Variants in ITSN1 observed in about 807,000 individuals in gnomAD.
ITSN1 encodes intersectin 1.
ITSN1 carries 58 observed loss-of-function variants against 239.8 expected under a neutral mutation model. The observed-to-expected ratio is 0.24, with a 90% CI of 0.20 to 0.30. ITSN1 has a LOEUF of 0.30. Ranked by LOEUF, ITSN1 falls within the 10% of genes least tolerant of loss-of-function variation. The pLI, the probability that ITSN1 is intolerant of heterozygous loss-of-function variation, is 1.00. For missense variants in ITSN1, 1,558 were observed against 2,103.3 expected (o/e 0.74, Z 5.07); for synonymous variants, 780 against 770.8 (o/e 1.01, Z -0.20).
At chr21:33,680,405 C>G (rs1298754281) in intron 1 of ITSN1, among the ~76,000 whole-genome samples, 4 of 151,024 alleles carry the variant, frequency 2.6e-5, no homozygotes, top group African/African-American at 9.8e-5. Flanking sequence ...AATCTCGGCT[C>G]ACTGCAACTT....
intron 4 of ITSN1, among the ~76,000 whole-genome samples, chr21:33,726,016 C>T (rs536290801): frequency 1.1e-4 from 16 of 152,240 alleles, no homozygotes; most frequent in African/African-American, 2.4e-4. Context: ...TGTTTTGAGA[C>T]GGAGTCTTGC....
intron 1 of ITSN1, among the ~76,000 whole-genome samples, chr21:33,646,133 A>G (rs2087921682): frequency 6.6e-6 from 1 of 152,196 alleles, no homozygotes; most frequent in Non-Finnish European, 1.5e-5. Flanking sequence ...TATTACAAAA[A>G]AATTTTTTTT....
At chr21:33,849,564 T>TAAA (rs2075093190) in intron 29 of ITSN1, among the ~76,000 whole-genome samples, 1 of 85,588 alleles carries the variant, frequency 1.2e-5, no homozygotes. Context: ...AGACTCTGTC[T>TAAA]CAAAAAAAAA....
At chr21:33,731,173 A>G (rs1285626189) in intron 4 of ITSN1, among the ~76,000 whole-genome samples, 1 of 152,116 alleles carries the variant, frequency 6.6e-6, no homozygotes, top group African/African-American at 2.4e-5. Flanking sequence ...TCTTCTCCTC[A>G]CCCATGAAAA....
At chr21:33,850,593 A>C (rs1395094007) in intron 29 of ITSN1, among the ~76,000 whole-genome samples, 1 of 152,186 alleles carries the variant, frequency 6.6e-6, no homozygotes, top group Non-Finnish European at 1.5e-5. Flanking sequence ...AAGGACCCGG[A>C]CTGCCTCCTT....
chr21:33,831,299 G>A (rs1425999535), intron 27 of ITSN1, among the ~76,000 whole-genome samples: 5 of 152,232 alleles, frequency 3.3e-5, no homozygotes, highest in African/African-American at 4.8e-5. Flanking sequence ...TCTCTCTGGC[G>A]TTTGTTGAAC....
chr21:33,646,585 A>G (rs1187447211), intron 1 of ITSN1, among the ~76,000 whole-genome samples: 1 of 152,184 alleles, frequency 6.6e-6, no homozygotes, highest in African/African-American at 2.4e-5. Context: ...GTTTGACCAC[A>G]CATAGTCAGG....
intron 29 of ITSN1, among the ~76,000 whole-genome samples, chr21:33,850,597 C>T (rs939274913): frequency 1.3e-5 from 2 of 152,208 alleles, no homozygotes; most frequent in Non-Finnish European, 2.9e-5. Flanking sequence ...ACCCGGACTG[C>T]CTCCTTCTCA....
chr21:33,723,347 G>A (rs1022762489), intron 4 of ITSN1, among the ~76,000 whole-genome samples: 2 of 152,180 alleles, frequency 1.3e-5, no homozygotes, highest in Non-Finnish European at 2.9e-5. Context: ...GGGCGCGGTG[G>A]CTCATGCCTG....
chr21:33,863,946 G>A (rs766258503), intron 31 of ITSN1, among the ~76,000 whole-genome samples: 2 of 151,628 alleles, frequency 1.3e-5, no homozygotes, highest in Non-Finnish European at 2.9e-5. Flanking sequence ...CTCCCCATGA[G>A]GGCATCCACT....
At chr21:33,719,715 G>A (rs2065373024) in intron 2 of ITSN1, among the ~76,000 whole-genome samples, 2 of 152,006 alleles carry the variant, frequency 1.3e-5, no homozygotes, top group Admixed American at 6.6e-5. Flanking sequence ...CTTTTTCAAA[G>A]CCTGGATTTG....
chr21:33,676,399 A>G (rs992935487), intron 1 of ITSN1, among the ~76,000 whole-genome samples: 16 of 151,314 alleles, frequency 1.1e-4, no homozygotes, highest in African/African-American at 3.6e-4. Flanking sequence ...CTCTTTTTTA[A>G]AAAACGTTTT....
Position 33,895,838 on chromosome 21 carries a change from C to T in ITSN1, c.*7538C>T, listed in dbSNP as rs186488991. 1.3e-5 allele frequency: 2 copies of T among 152,300 alleles called. No individual in the cohort carries two copies. The highest frequency in any genetic ancestry group is 2.4e-5 in the African/African-American group (1 of 41,528). The allele number at this position is 152,300 out of a possible 1,614,324, so 9.4% of individuals were successfully genotyped here. Reference sequence around the variant, plus strand: ...TCCTGTCATCCTGGTCAGGACTAGTCGCGTGGTTTGCGGACAGAGTGCAAA... The same window carrying T: ...TCCTGTCATCCTGGTCAGGACTAGTTGCGTGGTTTGCGGACAGAGTGCAAA... On this transcript the variant is annotated 3_prime_UTR_variant, in exon 40 of 40. Transcript: ENST00000381318.
In ITSN1 at chr21:33,746,350, G is replaced by A. The variant is rs545221071; in HGVS notation, c.347-3793G>A. ...TCACCCTCAAGAAAAGAGGCAGTCA[G>A]TAGGAACTATCTCTGATCCAGCTGT... On this transcript the variant is annotated intron_variant, in intron 5 of 39. Coordinates refer to ENST00000381318, the MANE Select transcript of ITSN1 (RefSeq NM_003024.3). Among the ~76,000 whole-genome samples the A allele has an allele frequency of 1.2e-4, 18 of 152,310 alleles. No homozygotes were observed. In the South Asian group the frequency reaches 3.7e-3, roughly 32 times the overall value.
chr21:33,677,656 A>C (rs2090677396), intron 1 of ITSN1, among the ~76,000 whole-genome samples: 1 of 152,208 alleles, frequency 6.6e-6, no homozygotes. Flanking sequence ...GGAATTCTTG[A>C]TGCTGTCCCC....
chr21:33,854,543 TG>T (rs1978948384), intron 29 of ITSN1, among the ~76,000 whole-genome samples: 1 of 152,202 alleles, frequency 6.6e-6, no homozygotes, highest in South Asian at 2.1e-4. Flanking sequence ...GAGTGTTTCT[TG>T]GGTGACCTTC....
chr21:33,828,259 C>T (rs1355226861), intron 26 of ITSN1, among the ~76,000 whole-genome samples: 2 of 152,214 alleles, frequency 1.3e-5, no homozygotes, highest in African/African-American at 2.4e-5. Context: ...GGTCTTTCTC[C>T]AAACCATAAA....
chr21:33,705,225 A>G (rs1021787509), intron 1 of ITSN1, among the ~76,000 whole-genome samples: 6 of 152,168 alleles, frequency 3.9e-5, no homozygotes, highest in Non-Finnish European at 7.3e-5. Flanking sequence ...GGAAATAAAA[A>G]TAAAAATTTT....
Position 33,721,271 on chromosome 21 carries a change from G to A in ITSN1, c.121+1G>A. 1 of 1,578,760 alleles carries A rather than the reference G, an allele frequency of 6.3e-7. No individual in the cohort carries two copies. The highest frequency in any genetic ancestry group is 8.7e-7 in the Non-Finnish European group (1 of 1,147,894). On this transcript the variant is annotated splice_donor_variant, in intron 3 of 39. Coordinates refer to ENST00000381318, the MANE Select transcript of ITSN1 (RefSeq NM_003024.3). LOFTEE classifies it high-confidence loss of function. ...AAGCCAATATCTGGATTCATTACTGGTAATCACAGTCAGCATTTTTTCATT... is the reference window on the plus strand; with the variant it reads ...AAGCCAATATCTGGATTCATTACTGATAATCACAGTCAGCATTTTTTCATT...
Sources: gnomAD v4.1 joint callset for allele counts (sites outside exome capture counted in the v4.1 genomes callset) on GRCh38, gnomAD v4.1.1 for gene constraint, MANE v1.5 for transcripts, NCBI Gene and HGNC (gene_info 2026-07-23, HGNC 2026-07-21) for gene names.